Variants in COP1 observed in about 807,000 individuals in gnomAD.
COP1 encodes the protein E3 ubiquitin-protein ligase COP1.
COP1 carries 24 observed loss-of-function variants against 101.3 expected under a neutral mutation model. That is an observed-to-expected ratio of 0.24 (90% CI 0.17 to 0.33). The LOEUF (loss-of-function observed/expected upper bound fraction) is 0.33. Among genes scored for constraint, COP1 ranks in the 10% least tolerant of loss-of-function variants. The probability of loss-of-function intolerance (pLI) is 1.00; values close to 1 mark genes in which losing one functional copy is unlikely to be tolerated. For synonymous variants in COP1, 347 were observed against 341.9 expected (o/e 1.01, Z -0.17); for missense variants, 663 against 906.2 (o/e 0.73, Z 3.45).
chr1:176,196,881 C>CAAAAAAAAAAAAAAAA (rs1251212971), intron 1 of COP1, among the ~76,000 whole-genome samples: 16 of 67,826 alleles, frequency 2.4e-4, no homozygotes, highest in African/African-American at 7.7e-4. Flanking sequence ...TGTCTCTACG[C>CAAAAAAAAAAAAAAAA]AAAAAAAAAA....
intron 9 of COP1, among the ~76,000 whole-genome samples, chr1:176,093,605 C>T (rs934628872): frequency 1.3e-5 from 2 of 151,850 alleles, no homozygotes; most frequent in Admixed American, 6.6e-5. Context: ...TTTGGGAGGC[C>T]GAGGTGGGCA....
chr1:175,966,088 T>G (rs1305561450), intron 18 of COP1, among the ~76,000 whole-genome samples: 1 of 152,192 alleles, frequency 6.6e-6, no homozygotes, highest in Non-Finnish European at 1.5e-5. Flanking sequence ...TGACTTTTCT[T>G]TCAGTATGTG....
chr1:175,963,747 G>C (rs770458866), intron 18 of COP1, among the ~76,000 whole-genome samples: 1 of 152,044 alleles, frequency 6.6e-6, no homozygotes, highest in Non-Finnish European at 1.5e-5. Flanking sequence ...TCTTCATAAA[G>C]TATTCCATCA....
At chr1:176,085,925 A>T in intron 9 of COP1, 35 bp from the exon 10 acceptor site, 1 of 1,172,426 alleles carries the variant, frequency 8.5e-7, no homozygotes, top group Non-Finnish European at 1.3e-6. Context: ...AACTTAGAAT[A>T]AACAATACTC....
At chr1:176,147,700 T>G (rs1691775163) in intron 6 of COP1, among the ~76,000 whole-genome samples, 1 of 152,134 alleles carries the variant, frequency 6.6e-6, no homozygotes, top group East Asian at 1.9e-4. Flanking sequence ...ATAAAAACAC[T>G]ATGCCAAAGC....
intron 3 of COP1, among the ~76,000 whole-genome samples, chr1:176,174,479 G>C (rs563547195): frequency 1.1e-4 from 16 of 152,246 alleles, no homozygotes; most frequent in African/African-American, 3.6e-4. Context: ...CCACTTAGAA[G>C]AATTTGTCAT....
intron 11 of COP1, among the ~76,000 whole-genome samples, chr1:176,055,095 A>G (rs2149257370): frequency 6.6e-6 from 1 of 152,320 alleles, no homozygotes; most frequent in South Asian, 2.1e-4. Context: ...TGACAACTCC[A>G]TCACAGTCTA....
intron 18 of COP1, among the ~76,000 whole-genome samples, chr1:175,951,189 T>C (rs1189521285): frequency 6.6e-6 from 1 of 151,826 alleles, no homozygotes; most frequent in African/African-American, 2.4e-5. Flanking sequence ...GTGGAGGCTA[T>C]GGTGAGCCAA....
intron 5 of COP1, among the ~76,000 whole-genome samples, chr1:176,161,696 T>C (rs1051260125): frequency 6.6e-6 from 1 of 152,164 alleles, no homozygotes. Context: ...ACAGCAGAAC[T>C]CTAGCTTGTC....
In COP1 at chr1:175,989,434, A is replaced by C. The variant is rs749820946; in HGVS notation, c.1775T>G (p.Ile592Ser). Reference protein sequence around the residue: ...YYDLRNTKQPIMVFKGHRKAV... With the variant: ...YYDLRNTKQPSMVFKGHRKAV... Reference sequence around the variant, plus strand: ...TTTACGGTGTCCTTTGAATACCATGATTGGCTGTTTAGTGTTACGAAGATC... The same window carrying C: ...TTTACGGTGTCCTTTGAATACCATGCTTGGCTGTTTAGTGTTACGAAGATC... Residue 592 changes from isoleucine to serine, a missense_variant, in exon 16 of 20, where the codon ATC becomes AGC. Ile to Ser is a moderately radical substitution (Grantham distance 142). Coordinates refer to ENST00000367669, the MANE Select transcript of COP1 (RefSeq NM_022457.7). 10 of 1,610,022 alleles carry C rather than the reference A, an allele frequency of 6.2e-6. No homozygotes were observed. The South Asian group carries it at 1.1e-4, about 18-fold the overall frequency.
intron 18 of COP1, among the ~76,000 whole-genome samples, chr1:175,951,364 A>T (rs1649868679): frequency 1.3e-5 from 2 of 148,604 alleles, no homozygotes; most frequent in Admixed American, 6.7e-5. Context: ...AGATAGATGT[A>T]ACTGATTTTA....
rs1229963750 is a variant in COP1, at chr1:176,195,017, G to A, written c.408-10325C>T. Among the ~76,000 whole-genome samples the A allele has an allele frequency of 5.3e-5, 8 of 152,116 alleles. No individual in the cohort carries two copies. The East Asian group carries it at 1.6e-3, about 29-fold the overall frequency. The stretch of plus-strand genomic sequence containing the variant: ...TGGGAGGACCACTTGAGCTTGGGAG[G>A]TAGAGGCTGCAGTGAGCTGTGATCA... On this transcript the variant is annotated intron_variant, in intron 1 of 19. Coordinates refer to ENST00000367669, the MANE Select transcript of COP1 (RefSeq NM_022457.7).
chr1:176,133,111 G>T (rs1284718186), intron 8 of COP1, among the ~76,000 whole-genome samples: 1 of 147,054 alleles, frequency 6.8e-6, no homozygotes, highest in Non-Finnish European at 1.5e-5. Flanking sequence ...ACATATGTAC[G>T]TATATATACT....
At chr1:176,060,210 T>C (rs996158304) in intron 11 of COP1, among the ~76,000 whole-genome samples, 4 of 152,204 alleles carry the variant, frequency 2.6e-5, no homozygotes, top group Non-Finnish European at 2.9e-5. Context: ...CTGGCTATCA[T>C]TGAATAGCTA....
intron 15 of COP1, among the ~76,000 whole-genome samples, chr1:176,007,465 C>G (rs888701467): frequency 1.1e-4 from 16 of 151,454 alleles, no homozygotes; most frequent in Non-Finnish European, 1.8e-4. Context: ...TTTTTCCCAT[C>G]TTTGTGGTTT....
intron 14 of COP1, among the ~76,000 whole-genome samples, chr1:176,029,032 A>C (rs1159492173): frequency 1.3e-5 from 2 of 152,028 alleles, no homozygotes; most frequent in East Asian, 3.9e-4. Flanking sequence ...GAGATTACAG[A>C]TGTGAGCCAC....
chr1:176,117,625 T>C (rs1686420224), intron 8 of COP1, among the ~76,000 whole-genome samples: 1 of 152,206 alleles, frequency 6.6e-6, no homozygotes, highest in Non-Finnish European at 1.5e-5. Context: ...CTAGGCACGG[T>C]CGCTCACGCC....
chr1:176,085,685 CA>C (rs1261878895), intron 10 of COP1, 90 bp downstream of exon 10: 1 of 642,696 alleles, frequency 1.6e-6, no homozygotes, highest in Non-Finnish European at 2.7e-6. Flanking sequence ...TTTTGCTTTG[CA>C]ATTAGGACTT....
Position 176,203,269 on chromosome 1 carries a change from G to A in COP1, c.407+3303C>T, listed in dbSNP as rs183322481. 9.0e-3 allele frequency among the ~76,000 whole-genome samples: 1,363 copies of A among 152,090 alleles called. 17 individuals carry two copies. The highest frequency in any genetic ancestry group is 0.03 in the African/African-American group (1,260 of 41,490). Reference sequence around the variant, plus strand: ...GGAGAATGGCGTGAACCCGGGAGGCGGAGCTTGCAGTGAGCCGAGATCGCA... The same window carrying A: ...GGAGAATGGCGTGAACCCGGGAGGCAGAGCTTGCAGTGAGCCGAGATCGCA... On this transcript the variant is annotated intron_variant, in intron 1 of 19. Transcript: ENST00000367669.
Sources: gnomAD v4.1 joint callset for allele counts (sites outside exome capture counted in the v4.1 genomes callset) on GRCh38, gnomAD v4.1.1 for gene constraint, MANE v1.5 for transcripts, NCBI Gene and HGNC (gene_info 2026-07-23, HGNC 2026-07-21) for gene names.